The following PIP5K1A variants were observed in gnomAD, a reference collection of about 807,000 sequenced individuals.
PIP5K1A encodes phosphatidylinositol 4-phosphate 5-kinase type-1 alpha.
Under a neutral mutation model 72.9 loss-of-function variants are expected in PIP5K1A, and 46 were observed. That is an observed-to-expected ratio of 0.63 (90% CI 0.50 to 0.81). The LOEUF (loss-of-function observed/expected upper bound fraction) is 0.81. Among genes scored for constraint, PIP5K1A ranks in the 30% least tolerant of loss-of-function variants. The pLI, the probability that PIP5K1A is intolerant of heterozygous loss-of-function variation, is 0.00. For synonymous variants in PIP5K1A, 228 were observed against 255.1 expected, an observed-to-expected ratio of 0.89 and a Z score of 1.01; for missense variants, 458 against 706.1, an observed-to-expected ratio of 0.65 and a Z score of 3.98.
rs145963778 is a variant in PIP5K1A, at chr1:151,242,186, G to T, written c.1427G>T (p.Ser476Ile). 2.5e-6 allele frequency: 4 copies of T among 1,613,922 alleles called. No homozygotes were observed. Among genetic ancestry groups the T allele is most frequent in the Non-Finnish European group, 3.4e-6 (4 of 1,179,936 alleles). The change falls in exon 13 of 16, where the codon AGT (serine) becomes ATT (isoleucine). Residue 476 changes from serine to isoleucine, a missense_variant. This residue lies in a region of PIP5K1A where 157 missense variants were observed against 175.5 expected (regional missense o/e 0.89). Transcript: ENST00000368888. ...GSSFSRRAGS[S>I]GNSCITYQPS... ...TCTTTCTCTCGGCGAGCAGGCTCCA[G>T]TGGCAACTCCTGCATTACTTACCAG...
At chr1:151,224,319 T>G (rs1392098233) in intron 2 of PIP5K1A, 40 bp downstream of exon 2, 9 of 1,610,114 alleles carry the variant, frequency 5.6e-6, no homozygotes, top group Non-Finnish European at 7.7e-6. Flanking sequence ...AAAACCTTAA[T>G]TCTGGGATAG....
chr1:151,241,365 A>T (rs1294892728), intron 12 of PIP5K1A, among the ~76,000 whole-genome samples: 1 of 149,346 alleles, frequency 6.7e-6, no homozygotes, highest in African/African-American at 2.5e-5. Context: ...TTAGCCGGGC[A>T]TGGTGGTGGG....
At chr1:151,212,305 A>G (rs1392669316) in intron 1 of PIP5K1A, among the ~76,000 whole-genome samples, 3 of 152,048 alleles carry the variant, frequency 2.0e-5, no homozygotes, top group Non-Finnish European at 4.4e-5. Context: ...CTTTTTTCAC[A>G]CTTCTCAGAT....
chr1:151,239,007 G>A, intron 10 of PIP5K1A, 123 bp from the exon 11 acceptor site: 2 of 677,030 alleles, frequency 3.0e-6, no homozygotes, highest in Admixed American at 5.0e-5. Flanking sequence ...ACCAGTAGAT[G>A]TGCTTTCTCA....
At chr1:151,203,990 C>G (rs1386424680) in intron 1 of PIP5K1A, among the ~76,000 whole-genome samples, 1 of 152,094 alleles carries the variant, frequency 6.6e-6, no homozygotes, top group Non-Finnish European at 1.5e-5. Context: ...GCTTACCTGA[C>G]TTTTTCTCCC....
rs117520654 is a variant in PIP5K1A, at chr1:151,211,175, A to G, written c.85+12094A>G. On this transcript the variant is annotated intron_variant, in intron 1 of 15. Coordinates refer to ENST00000368888, the MANE Select transcript of PIP5K1A (RefSeq NM_001135638.2). ...AGGCCAACTCTGTTTTGTTCCACACACTAGAGTGAGGAGAACTCATTTCAG... is the reference window on the plus strand; with the variant it reads ...AGGCCAACTCTGTTTTGTTCCACACGCTAGAGTGAGGAGAACTCATTTCAG... Among the ~76,000 whole-genome samples the G allele has an allele frequency of 5.5e-4, 84 of 152,340 alleles. 3 individuals carry two copies. In the East Asian group the frequency reaches 0.016, roughly 28 times the overall value.
chr1:151,203,968 A>G lies in PIP5K1A; in HGVS notation c.85+4887A>G, dbSNP rs146577548. ...TCATGTGCACAAATGATTTAGACAT[A>G]ACTTTACAGCTGCTTACCTGACTTT... On this transcript the variant is annotated intron_variant, in intron 1 of 15. Coordinates refer to ENST00000368888, the MANE Select transcript of PIP5K1A (RefSeq NM_001135638.2). Among the ~76,000 whole-genome samples the G allele has an allele frequency of 4.6e-5, 7 of 152,284 alleles. No homozygotes were observed. In the East Asian group the frequency reaches 7.7e-4, roughly 17 times the overall value.
intron 11 of PIP5K1A, among the ~76,000 whole-genome samples, chr1:151,239,469 A>G (rs587631461): frequency 6.6e-6 from 1 of 151,588 alleles, no homozygotes; most frequent in East Asian, 1.9e-4. Flanking sequence ...GATGGGTTTC[A>G]CCATGTTGGC....
intron 1 of PIP5K1A, among the ~76,000 whole-genome samples, chr1:151,220,915 G>A (rs1183922204): frequency 2.0e-5 from 3 of 152,208 alleles, no homozygotes; most frequent in African/African-American, 7.2e-5. Context: ...AATACACTCA[G>A]GGAATCTTTT....
intron 1 of PIP5K1A, among the ~76,000 whole-genome samples, chr1:151,220,494 AT>A (rs1256667371): frequency 4.1e-5 from 6 of 147,214 alleles, no homozygotes; most frequent in Admixed American, 3.4e-4. Context: ...TTAAGACAGG[AT>A]TTCACTCTTT....
At chr1:151,228,532 G>T (rs966173366) in intron 4 of PIP5K1A, among the ~76,000 whole-genome samples, 2 of 152,118 alleles carry the variant, frequency 1.3e-5, no homozygotes, top group Non-Finnish European at 2.9e-5. Context: ...ATATCAAATG[G>T]ACTGGAAAGG....
intron 14 of PIP5K1A, among the ~76,000 whole-genome samples, chr1:151,245,680 C>T (rs1221972057): frequency 6.6e-6 from 1 of 152,086 alleles, no homozygotes; most frequent in African/African-American, 2.4e-5. Flanking sequence ...GGATTACAAG[C>T]GTGCACCATC....
intron 14 of PIP5K1A, among the ~76,000 whole-genome samples, chr1:151,244,219 T>C (rs1223907160): frequency 3.3e-5 from 5 of 151,692 alleles, no homozygotes; most frequent in African/African-American, 1.2e-4. Flanking sequence ...ATGTTGTTGC[T>C]GATATGTACT....
chr1:151,198,378 A>G (rs931827978), upstream of PIP5K1A, among the ~76,000 whole-genome samples: 3 of 152,012 alleles, frequency 2.0e-5, no homozygotes, highest in Non-Finnish European at 2.9e-5. Context: ...CTGCCGAGCC[A>G]CCGTAGGGAC....
intron 7 of PIP5K1A, chr1:151,233,318 T>C: frequency 6.6e-6 from 1 of 152,096 alleles, no homozygotes; most frequent in East Asian, 1.9e-4. Context: ...TCTTTTATTT[T>C]TTCGTGACGG....
intron 8 of PIP5K1A, among the ~76,000 whole-genome samples, chr1:151,236,085 T>TA (rs772176191): frequency 4.2e-5 from 6 of 143,926 alleles, no homozygotes; most frequent in Non-Finnish European, 9.0e-5. Context: ...CGCGCCACTG[T>TA]ACTCCAGCCT....
chr1:151,228,880 C>T (rs1689557452), intron 4 of PIP5K1A, among the ~76,000 whole-genome samples: 1 of 151,564 alleles, frequency 6.6e-6, no homozygotes, highest in Admixed American at 6.6e-5. Context: ...TTACTGAGCT[C>T]TTCATTTTTA....
At chr1:151,239,829 C>G (rs1435230600) in intron 11 of PIP5K1A, 126 bp from the exon 12 acceptor site, 9 of 713,592 alleles carry the variant, frequency 1.3e-5, no homozygotes, top group Non-Finnish European at 2.2e-5. Context: ...CGTCTGGCCC[C>G]TTCCGTTTAT....
chr1:151,214,592 G>A (rs1687305528), intron 1 of PIP5K1A, among the ~76,000 whole-genome samples: 1 of 152,084 alleles, frequency 6.6e-6, no homozygotes, highest in South Asian at 2.1e-4. Context: ...TGTTGGTCAG[G>A]CTGGTCTCGA....
Sources: allele counts gnomAD v4.1 joint callset (sites outside exome capture counted in the v4.1 genomes callset), GRCh38; gene constraint gnomAD v4.1.1; regional missense constraint gnomAD v4.1.1; transcripts MANE v1.5; gene names NCBI Gene and HGNC (gene_info 2026-07-23, HGNC 2026-07-21).